Variants in ABCC4 observed in about 807,000 individuals in gnomAD.
The protein encoded by ABCC4 is ATP-binding cassette sub-family C member 4.
A neutral mutation model predicts 168.5 loss-of-function variants in ABCC4; 102 were observed. That is an observed-to-expected ratio of 0.61 (90% CI 0.52 to 0.71). ABCC4 has a LOEUF of 0.71. ABCC4 is among the 30% of genes least tolerant of loss of function. The pLI, the probability that ABCC4 is intolerant of heterozygous loss-of-function variation, is 0.00. For missense variants in ABCC4, 1,402 were observed against 1,605.8 expected (o/e 0.87, Z 2.17); for synonymous variants, 617 against 590.7 (o/e 1.04, Z -0.65).
intron 4 of ABCC4, among the ~76,000 whole-genome samples, chr13:95,227,527 T>C (rs1220443412): frequency 6.6e-6 from 1 of 152,186 alleles, no homozygotes; most frequent in African/African-American, 2.4e-5. Context: ...CCAACCAAAG[T>C]ATCACATGTG....
At position 95,200,748 on chromosome 13, in the gene ABCC4, T is replaced by C. The variant is rs143836401; in HGVS notation, c.1161+5784A>G. On this transcript the variant is annotated intron_variant, in intron 8 of 30. Transcript: ENST00000645237. ...ACAAAACAAAACAAAACAAAAGATATTGGGACCCAGCCAATGCCTGATGAA... is the reference window on the plus strand; with the variant it reads ...ACAAAACAAAACAAAACAAAAGATACTGGGACCCAGCCAATGCCTGATGAA... Among the ~76,000 whole-genome samples the C allele has an allele frequency of 5.9e-5, 9 of 151,892 alleles. No homozygotes were observed. The South Asian group carries it at 8.3e-4, about 14-fold the overall frequency.
intron 8 of ABCC4, among the ~76,000 whole-genome samples, chr13:95,205,871 G>A (rs2038764642): frequency 6.6e-6 from 1 of 152,182 alleles, no homozygotes; most frequent in Non-Finnish European, 1.5e-5. Flanking sequence ...GTCCATCTGG[G>A]AAGCAGAGAG....
At chr13:95,234,898 T>C (rs1038870827) in intron 3 of ABCC4, 64 bp from the exon 4 acceptor site, 17 of 1,172,630 alleles carry the variant, frequency 1.4e-5, no homozygotes, top group Admixed American at 2.6e-5. Flanking sequence ...TTCTTTTTAC[T>C]TTCTCTTTTT....
At chr13:95,247,917 T>C (rs1197926821) in intron 1 of ABCC4, among the ~76,000 whole-genome samples, 164 bp from the exon 2 acceptor site, 2 of 10,716 alleles carry the variant, frequency 1.9e-4, no homozygotes, top group African/African-American at 1.6e-3. Flanking sequence ...AGTTAACATG[T>C]GCACACACAC....
chr13:95,159,096 TATA>T (rs2036986511), intron 19 of ABCC4, among the ~76,000 whole-genome samples: 8 of 52,052 alleles, frequency 1.5e-4, no homozygotes, highest in African/African-American at 4.1e-4. Flanking sequence ...ATAAATTTTA[TATA>T]TATATATATA....
At chr13:95,070,443 T>G (rs1190678043) in intron 25 of ABCC4, among the ~76,000 whole-genome samples, 1 of 152,104 alleles carries the variant, frequency 6.6e-6, no homozygotes, top group East Asian at 1.9e-4. Context: ...TCTACTGTCT[T>G]GTTTGTTCTG....
chr13:95,277,578 C>CAAAAA (rs5805920), intron 1 of ABCC4, among the ~76,000 whole-genome samples: 1 of 131,456 alleles, frequency 7.6e-6, no homozygotes, highest in Non-Finnish European at 1.6e-5. Flanking sequence ...TGAGACTTCT[C>CAAAAA]AAAAAAAAAA....
chr13:95,206,868 G>A (rs2038798123), intron 7 of ABCC4, 87 bp from the exon 8 acceptor site: 1 of 1,458,714 alleles, frequency 6.9e-7, no homozygotes. Context: ...TTTGGGAGCT[G>A]AGGTGGATGA....
At chr13:95,075,818 TCCTTCCTAACTCAG>T in intron 21 of ABCC4, 1 of 350,130 alleles carries the variant, frequency 2.9e-6, no homozygotes. Context: ...TATAATTCTT[TCCTTCCTAACTCAG>T]CCTTCCAGGT....
intron 30 of ABCC4, among the ~76,000 whole-genome samples, chr13:95,022,912 A>G (rs1028160146): frequency 6.6e-6 from 1 of 152,246 alleles, no homozygotes. Context: ...AATGTCACTT[A>G]AGGAGAAAAT....
chr13:95,106,719 A>G (rs2035018925), intron 20 of ABCC4, among the ~76,000 whole-genome samples: 1 of 151,934 alleles, frequency 6.6e-6, no homozygotes, highest in African/African-American at 2.4e-5. Context: ...AAGATAAAGG[A>G]GGGAGTACAG....
At chr13:95,241,584 A>C (rs1356470373) in intron 3 of ABCC4, among the ~76,000 whole-genome samples, 4 of 152,012 alleles carry the variant, frequency 2.6e-5, no homozygotes, top group Non-Finnish European at 5.9e-5. Context: ...TCCCCATCAC[A>C]GTCTCCATGG....
intron 25 of ABCC4, 23 bp downstream of exon 25, chr13:95,071,639 G>C (rs766575231): frequency 7.2e-7 from 1 of 1,395,164 alleles, no homozygotes; most frequent in Non-Finnish European, 9.4e-7. Flanking sequence ...AAATTGAGAA[G>C]AGGCAAGATG....
intron 1 of ABCC4, among the ~76,000 whole-genome samples, chr13:95,299,927 C>T (rs567659636): frequency 2.6e-5 from 4 of 152,280 alleles, no homozygotes; most frequent in East Asian, 1.9e-4. Context: ...CTGCAACCTC[C>T]GCCTACTGGG....
At chr13:95,120,813 A>G (rs1194027812) in intron 19 of ABCC4, among the ~76,000 whole-genome samples, 1 of 152,198 alleles carries the variant, frequency 6.6e-6, no homozygotes, top group East Asian at 1.9e-4. Context: ...TGTGCACTCC[A>G]GGTACAATGT....
At chr13:95,024,416 T>C (rs969427354) in intron 30 of ABCC4, among the ~76,000 whole-genome samples, 2 of 152,134 alleles carry the variant, frequency 1.3e-5, no homozygotes, top group African/African-American at 4.8e-5. Flanking sequence ...GTTTGCTCCA[T>C]TATAGTTCCT....
intron 13 of ABCC4, among the ~76,000 whole-genome samples, chr13:95,170,866 G>A (rs887413757): frequency 6.6e-6 from 1 of 152,040 alleles, no homozygotes; most frequent in Non-Finnish European, 1.5e-5. Context: ...GAGGCAATAA[G>A]TGTAATTTTT....
At chr13:95,257,387 T>G (rs899062247) in intron 1 of ABCC4, among the ~76,000 whole-genome samples, 1 of 152,070 alleles carries the variant, frequency 6.6e-6, no homozygotes, top group African/African-American at 2.4e-5. Context: ...AATCTGCACG[T>G]AGGCCGGGCG....
intron 25 of ABCC4, among the ~76,000 whole-genome samples, chr13:95,069,404 A>T (rs1165501971): frequency 6.6e-6 from 1 of 152,224 alleles, no homozygotes; most frequent in Non-Finnish European, 1.5e-5. Flanking sequence ...TTCTTTAAAA[A>T]AAAATTGTGG....
Sources: gnomAD v4.1 joint callset for allele counts (sites outside exome capture counted in the v4.1 genomes callset) on GRCh38, gnomAD v4.1.1 for gene constraint, MANE v1.5 for transcripts, NCBI Gene and HGNC (gene_info 2026-07-23, HGNC 2026-07-21) for gene names.